The following GALNT13 variants were observed in gnomAD, a reference collection of about 807,000 sequenced individuals.
The protein encoded by GALNT13 is UDP-GalNAc:polypeptide N-acetylgalactosaminyltransferase 13.
Under a neutral mutation model 64.2 loss-of-function variants are expected in GALNT13, and 28 were observed. The observed-to-expected ratio is 0.44, with a 90% CI of 0.32 to 0.60. GALNT13 has a LOEUF of 0.60. GALNT13 is among the 20% of genes least tolerant of loss of function. The pLI is 0.05. For missense variants in GALNT13, 577 were observed against 669.8 expected (o/e 0.86, Z 1.53); for synonymous variants, 214 against 224.6 (o/e 0.95, Z 0.42).
chr2:153,290,291 T>A, the GALNT13 span, among the ~76,000 whole-genome samples: 3 of 152,308 alleles, frequency 2.0e-5, no homozygotes, highest in Non-Finnish European at 2.9e-5. Flanking sequence ...CAGGCAGAGA[T>A]GTTGTTAGTA....
At chr2:153,721,282 G>C in the GALNT13 span, among the ~76,000 whole-genome samples, 1 of 147,254 alleles carries the variant, frequency 6.8e-6, no homozygotes, top group Admixed American at 6.7e-5. Context: ...GTCACCACCA[G>C]GCCTGCCCTA....
At chr2:153,996,964 TA>T (rs1695561804) in intron 3 of GALNT13, among the ~76,000 whole-genome samples, 1 of 152,156 alleles carries the variant, frequency 6.6e-6, no homozygotes, top group South Asian at 2.1e-4. Context: ...AGCACCTTTG[TA>T]AAAAGACAGT....
the GALNT13 span, among the ~76,000 whole-genome samples, chr2:153,624,398 C>T: frequency 4.6e-3 from 695 of 152,170 alleles, 4 homozygotes; most frequent in African/African-American, 0.016. Context: ...AGGCTATTTT[C>T]CTGACTTTTG....
chr2:153,183,868 G>C, the GALNT13 span, among the ~76,000 whole-genome samples: 1 of 152,134 alleles, frequency 6.6e-6, no homozygotes, highest in Non-Finnish European at 1.5e-5. Flanking sequence ...TTTGGTTACT[G>C]TAGGCTTGTA....
chr2:154,022,962 T>G (rs1275084585), intron 3 of GALNT13, among the ~76,000 whole-genome samples: 4 of 152,230 alleles, frequency 2.6e-5, no homozygotes, highest in Non-Finnish European at 5.9e-5. Context: ...TACCCAGTTG[T>G]CATTCAGGAG....
chr2:154,139,892 T>C (rs1413860934), intron 3 of GALNT13, among the ~76,000 whole-genome samples: 1 of 152,154 alleles, frequency 6.6e-6, no homozygotes, highest in Non-Finnish European at 1.5e-5. Flanking sequence ...ATGTTTAGTT[T>C]TGTTTGCCTT....
chr2:153,586,029 A>G, the GALNT13 span, among the ~76,000 whole-genome samples: 69 of 152,300 alleles, frequency 4.5e-4, no homozygotes, highest in Admixed American at 4.4e-3. Flanking sequence ...TGAAAACATA[A>G]GAAAGTATAA....
At chr2:153,716,301 C>G in the GALNT13 span, among the ~76,000 whole-genome samples, 6 of 152,252 alleles carry the variant, frequency 3.9e-5, no homozygotes, top group South Asian at 8.3e-4. Context: ...TGAATGCAGC[C>G]CAAACAAATT....
chr2:153,384,476 C>T, the GALNT13 span, among the ~76,000 whole-genome samples: 1 of 151,958 alleles, frequency 6.6e-6, no homozygotes, highest in Admixed American at 6.6e-5. Flanking sequence ...CAGCAGGAGA[C>T]TGTGGACTGT....
chr2:153,239,195 C>A, the GALNT13 span, among the ~76,000 whole-genome samples: 22 of 152,022 alleles, frequency 1.4e-4, no homozygotes, highest in African/African-American at 5.1e-4. Context: ...TTGTGTATTG[C>A]AACTTTACTG....
the GALNT13 span, among the ~76,000 whole-genome samples, chr2:153,498,723 C>T: frequency 2.2e-4 from 33 of 152,364 alleles, no homozygotes; most frequent in African/African-American, 7.9e-4. Flanking sequence ...GGTCTGCCCT[C>T]CCTAAAGGGC....
chr2:153,647,182 T>A, the GALNT13 span, among the ~76,000 whole-genome samples: 17 of 152,206 alleles, frequency 1.1e-4, no homozygotes, highest in Admixed American at 4.6e-4. Flanking sequence ...GATATCTCAT[T>A]GTTGTTTTGA....
At chr2:154,106,858 C>A (rs66721364) in intron 3 of GALNT13, among the ~76,000 whole-genome samples, 28,318 of 152,036 alleles carry the variant, frequency 0.19, 3,372 homozygotes, top group Non-Finnish European at 0.26. Flanking sequence ...GTTTGGATAT[C>A]TCTTTCAAAC....
At chr2:153,947,952 G>A (rs1350620813) in intron 3 of GALNT13, among the ~76,000 whole-genome samples, 2 of 152,020 alleles carry the variant, frequency 1.3e-5, no homozygotes, top group African/African-American at 4.8e-5. Flanking sequence ...TTTCCCCATT[G>A]CTTATTTTGG....
chr2:153,366,583 C>A, the GALNT13 span, among the ~76,000 whole-genome samples: 1 of 151,532 alleles, frequency 6.6e-6, no homozygotes, highest in African/African-American at 2.4e-5. Flanking sequence ...CAGAAAGAGA[C>A]AAGAAAGAAA....
At chr2:154,246,034 G>A (rs1689765873) in intron 7 of GALNT13, 52 bp downstream of exon 7, 1 of 1,216,742 alleles carries the variant, frequency 8.2e-7, no homozygotes, top group African/African-American at 1.5e-5. Flanking sequence ...AAAAATTAAG[G>A]AATATTATAG....
the GALNT13 span, among the ~76,000 whole-genome samples, chr2:153,352,761 A>G: frequency 7.9e-5 from 12 of 152,232 alleles, no homozygotes; most frequent in Admixed American, 5.9e-4. Context: ...CCTGTTGACT[A>G]TATTTACAAC....
At chr2:154,166,546 A>G (rs1685034348) in intron 4 of GALNT13, among the ~76,000 whole-genome samples, 1 of 152,242 alleles carries the variant, frequency 6.6e-6, no homozygotes, top group Non-Finnish European at 1.5e-5. Flanking sequence ...AAACTAGTTC[A>G]ACCATTGTGG....
intron 2 of GALNT13, among the ~76,000 whole-genome samples, chr2:153,918,239 C>A (rs1359403418): frequency 6.6e-6 from 1 of 152,112 alleles, no homozygotes; most frequent in Non-Finnish European, 1.5e-5. Context: ...CTTTCTACCA[C>A]TTGAACTGAA....
Sources: gnomAD v4.1 joint callset for allele counts (sites outside exome capture counted in the v4.1 genomes callset) on GRCh38, gnomAD v4.1.1 for gene constraint, MANE v1.5 for transcripts, NCBI Gene and HGNC (gene_info 2026-07-23, HGNC 2026-07-21) for gene names.